DLGAP2: variants seen among roughly 807,000 people sequenced by gnomAD.
DLGAP2 encodes DLG associated protein 2.
A neutral mutation model predicts 100.3 loss-of-function variants in DLGAP2; 26 were observed. The observed-to-expected ratio is 0.26, with a 90% confidence interval of 0.19 to 0.36. The LOEUF (loss-of-function observed/expected upper bound fraction) is 0.36, where lower values mean the gene tolerates loss of function less well. Among genes scored for constraint, DLGAP2 ranks in the 10% least tolerant of loss-of-function variants. The pLI is 1.00. For missense variants in DLGAP2, 1,858 were observed against 1,453.2 expected, an observed-to-expected ratio of 1.28 and a Z score of -4.53; for synonymous variants, 886 against 630.1, an observed-to-expected ratio of 1.41 and a Z score of -6.08.
Position 999,401 on chromosome 8 carries a change from A to G in DLGAP2, c.73+91435A>G, listed in dbSNP as rs533834271. ...GTGATTATTTTGAATCTTCTATGTCAAGAATTTTCCTGTGCTTTGTATTTT... is the reference window on the plus strand; with the variant it reads ...GTGATTATTTTGAATCTTCTATGTCGAGAATTTTCCTGTGCTTTGTATTTT... On this transcript the variant is annotated intron_variant, in intron 2 of 14. Transcript: ENST00000637795. Among the ~76,000 whole-genome samples the G allele has an allele frequency of 3.3e-5, 5 of 151,404 alleles. No individual in the cohort carries two copies. In the South Asian group the frequency reaches 1.0e-3, roughly 32 times the overall value.
chr8:1,099,911 T>G (rs2251870), intron 2 of DLGAP2, among the ~76,000 whole-genome samples: 1 of 152,090 alleles, frequency 6.6e-6, no homozygotes, highest in African/African-American at 2.4e-5. Flanking sequence ...CGCAAAGCTC[T>G]TACAGTAGGC....
intron 2 of DLGAP2, among the ~76,000 whole-genome samples, chr8:1,255,093 ATCCTGCCTGGGTGCTGTGTGTGTGTCCTC>A (rs1563043551): frequency 1.6e-3 from 117 of 73,312 alleles, no homozygotes; most frequent in African/African-American, 7.2e-3. Flanking sequence ...GTGTCCTCTC[ATCCTGCCTGGGTGCTGTGTGTGTGTCCTC>A]TCCTGCCCGG....
intron 1 of DLGAP2, among the ~76,000 whole-genome samples, chr8:738,257 C>G (rs367752944): frequency 6.6e-6 from 1 of 151,536 alleles, no homozygotes; most frequent in Non-Finnish European, 1.5e-5. Flanking sequence ...CTGCATCCCC[C>G]TCCCCCCAAG....
chr8:1,618,743 G>T (rs1797236231), intron 6 of DLGAP2, among the ~76,000 whole-genome samples: 2 of 151,958 alleles, frequency 1.3e-5, no homozygotes, highest in South Asian at 2.1e-4. Flanking sequence ...CCAGACAATT[G>T]TCTCTCATTG....
intron 2 of DLGAP2, among the ~76,000 whole-genome samples, chr8:1,149,238 T>C (rs1000366653): frequency 2.7e-4 from 41 of 152,198 alleles, no homozygotes; most frequent in African/African-American, 9.2e-4. Context: ...CTCCGCCTTC[T>C]GGGTTCACGC....
intron 2 of DLGAP2, among the ~76,000 whole-genome samples, chr8:1,215,195 G>A (rs1462846116): frequency 3.3e-5 from 5 of 152,200 alleles, no homozygotes; most frequent in South Asian, 2.1e-4. Flanking sequence ...AAAGGTAAAC[G>A]AAATCCCAAA....
chr8:1,310,124 A>G (rs146404635), intron 3 of DLGAP2, among the ~76,000 whole-genome samples: 2,671 of 152,072 alleles, frequency 0.018, 29 homozygotes, highest in South Asian at 0.031. Context: ...TTATAAATCT[A>G]GGGTTCTATG....
At chr8:951,708 G>A (rs1323290462) in intron 2 of DLGAP2, among the ~76,000 whole-genome samples, 1 of 152,206 alleles carries the variant, frequency 6.6e-6, no homozygotes, top group East Asian at 1.9e-4. Context: ...GCTCCTTGCA[G>A]GCATTAGAGC....
At chr8:1,010,647 G>A (rs1306127643) in intron 2 of DLGAP2, among the ~76,000 whole-genome samples, 2 of 152,218 alleles carry the variant, frequency 1.3e-5, no homozygotes, top group African/African-American at 4.8e-5. Flanking sequence ...GAATGGGTGA[G>A]GCTTTTCCCA....
chr8:1,185,276 A>C (rs190093793), intron 2 of DLGAP2, among the ~76,000 whole-genome samples: 1 of 152,086 alleles, frequency 6.6e-6, no homozygotes, highest in East Asian at 1.9e-4. Flanking sequence ...TTCTTTGTCA[A>C]ACTTCAGGGC....
At chr8:928,971 C>G (rs1480847393) in intron 2 of DLGAP2, among the ~76,000 whole-genome samples, 1 of 144,460 alleles carries the variant, frequency 6.9e-6, no homozygotes, top group African/African-American at 2.6e-5. Flanking sequence ...GAAGACCCCC[C>G]CCGCCATTCC....
In DLGAP2 at chr8:1,638,449, T is replaced by C. The variant is rs117064521; in HGVS notation, c.1810+5403T>C. On this transcript the variant is annotated intron_variant, in intron 8 of 14. Coordinates refer to ENST00000637795, the MANE Select transcript of DLGAP2 (RefSeq NM_001346810.2). Reference sequence around the variant, plus strand: ...CTTGGTCTGGGACTCACAGCCTCCATGACATGAATCAATGTTGCTCTGTTA... The same window carrying C: ...CTTGGTCTGGGACTCACAGCCTCCACGACATGAATCAATGTTGCTCTGTTA... Among the ~76,000 whole-genome samples the C allele has an allele frequency of 7.5e-3, 1,139 of 152,194 alleles. 7 individuals are homozygous for C. The highest frequency in any genetic ancestry group is 0.012 in the Non-Finnish European group (829 of 68,008).
intron 2 of DLGAP2, among the ~76,000 whole-genome samples, chr8:1,084,377 T>A (rs1050202273): frequency 6.6e-6 from 1 of 152,222 alleles, no homozygotes; most frequent in Admixed American, 6.5e-5. Flanking sequence ...ATATTTAACA[T>A]TTTTTGTGAT....
At chr8:828,718 C>G (rs995096117) in intron 1 of DLGAP2, among the ~76,000 whole-genome samples, 1 of 152,128 alleles carries the variant, frequency 6.6e-6, no homozygotes, top group African/African-American at 2.4e-5. Flanking sequence ...TCCATGAAAT[C>G]TTTACAATTT....
chr8:1,188,348 C>G (rs553666532), intron 2 of DLGAP2, among the ~76,000 whole-genome samples: 1 of 141,468 alleles, frequency 7.1e-6, no homozygotes, highest in Non-Finnish European at 1.5e-5. Flanking sequence ...CTCACACACC[C>G]GGGACCTCCG....
At position 1,643,207 on chromosome 8, in the gene DLGAP2, G is replaced by C. The variant is rs535670334; in HGVS notation, c.1810+10161G>C. 6.6e-4 allele frequency among the ~76,000 whole-genome samples: 8 copies of C among 12,150 alleles called. 1 individual carries two copies. Among genetic ancestry groups the C allele is most frequent in the Admixed American group, 1.8e-3 (2 of 1,134 alleles). The allele number at this position is 12,150 out of a possible 152,430, so 8.0% of individuals were successfully genotyped here. On this transcript the variant is annotated intron_variant, in intron 8 of 14. Transcript: ENST00000637795. ...CGCCGGCCCTCACCTGTGTCACCCTGGAACCCGCCGGCCCTCACCTGTGTC... is the reference window on the plus strand; with the variant it reads ...CGCCGGCCCTCACCTGTGTCACCCTCGAACCCGCCGGCCCTCACCTGTGTC...
intron 2 of DLGAP2, among the ~76,000 whole-genome samples, chr8:1,136,723 G>A (rs935296201): frequency 6.6e-6 from 1 of 152,210 alleles, no homozygotes; most frequent in East Asian, 1.9e-4. Flanking sequence ...ACCACCCGAA[G>A]CCAGCTCTTG....
At chr8:1,593,123 G>A (rs1023418508) in intron 6 of DLGAP2, among the ~76,000 whole-genome samples, 2 of 152,064 alleles carry the variant, frequency 1.3e-5, no homozygotes, top group East Asian at 3.8e-4. Context: ...AAACACAGCC[G>A]TTCAACAATG....
intron 2 of DLGAP2, among the ~76,000 whole-genome samples, chr8:1,135,098 C>G (rs567368461): frequency 5.3e-5 from 8 of 152,232 alleles, no homozygotes; most frequent in Non-Finnish European, 8.8e-5. Context: ...TCCCCAAGGA[C>G]TCTAACACCT....
Sources: gnomAD v4.1 joint callset for allele counts (sites outside exome capture counted in the v4.1 genomes callset) on GRCh38, gnomAD v4.1.1 for gene constraint, MANE v1.5 for transcripts, NCBI Gene and HGNC (gene_info 2026-07-23, HGNC 2026-07-21) for gene names.